Variants in PPP4R3B observed in about 807,000 individuals in gnomAD.
PPP4R3B encodes protein phosphatase 4 regulatory subunit 3B.
In PPP4R3B, 52 loss-of-function variants were observed where a neutral mutation model predicts 95.4. The observed-to-expected ratio is 0.54, with a 90% CI of 0.44 to 0.69. The LOEUF (loss-of-function observed/expected upper bound fraction) is 0.69. PPP4R3B is among the 30% of genes least tolerant of loss of function. The pLI is 0.00. For synonymous variants in PPP4R3B, 407 were observed against 343.9 expected (o/e 1.18, Z -2.03); for missense variants, 1,003 against 1,005.9 (o/e 1.00, Z 0.04).
chr2:55,579,002 G>T (rs910148408), intron 9 of PPP4R3B, among the ~76,000 whole-genome samples: 1 of 151,910 alleles, frequency 6.6e-6, no homozygotes, highest in African/African-American at 2.4e-5. Context: ...AATATAGAAG[G>T]ACTCAATTTA....
Position 55,604,075 on chromosome 2 carries a change from T to A in PPP4R3B, c.200A>T (p.Asp67Val). ...TGCTTCTGACCAAACAATTAATGTA[T>A]CCTGTTTAAAAATAAATATTTCCAT... ...NPNTAYQKQQ[D>V]TLIVWSEAEN... is the part of the protein sequence containing the mutation. Residue 67 changes from aspartate to valine, a missense_variant and splice_region_variant, in exon 3 of 17, where the codon GAT becomes GTT. Physicochemically the swap from Asp to Val is radical, Grantham distance 152. Coordinates refer to ENST00000616407, the MANE Select transcript of PPP4R3B (RefSeq NM_001122964.3). 1 of 1,596,690 alleles carries A rather than the reference T, an allele frequency of 6.3e-7. No homozygotes were observed. The highest frequency in any genetic ancestry group is 8.5e-7 in the Non-Finnish European group (1 of 1,173,154).
intron 2 of PPP4R3B, among the ~76,000 whole-genome samples, chr2:55,612,869 C>T (rs1694365243): frequency 6.6e-6 from 1 of 151,730 alleles, no homozygotes. Flanking sequence ...TGGTGTGAAC[C>T]CGGGAGGCGA....
chr2:55,571,801 G>T (rs59452894), intron 12 of PPP4R3B, among the ~76,000 whole-genome samples: 106,380 of 151,984 alleles, frequency 0.7, 38,116 homozygotes, highest in Non-Finnish European at 0.77. Context: ...AATTTTTGTA[G>T]TTTTAGTAGA....
intron 4 of PPP4R3B, among the ~76,000 whole-genome samples, chr2:55,589,975 A>ATATATTTAATATAT (rs1690759818): frequency 6.9e-6 from 1 of 144,676 alleles, no homozygotes; most frequent in African/African-American, 2.5e-5. Context: ...ATATTTATAT[A>ATATATTTAATATAT]TATATTTAAT....
At chr2:55,552,233 A>C (rs1685331953) in intron 16 of PPP4R3B, among the ~76,000 whole-genome samples, 1 of 152,220 alleles carries the variant, frequency 6.6e-6, no homozygotes, top group African/African-American at 2.4e-5. Flanking sequence ...CACTTTGTGA[A>C]GCTGATTCCA....
chr2:55,583,376 A>C (rs954493909), intron 7 of PPP4R3B, among the ~76,000 whole-genome samples: 4 of 152,200 alleles, frequency 2.6e-5, no homozygotes, highest in African/African-American at 9.6e-5. Flanking sequence ...TAAGAAAAAA[A>C]AACACTGAGA....
At position 55,549,763 on chromosome 2, in the gene PPP4R3B, C is replaced by G; in HGVS notation, c.*148G>C. On this transcript the variant is annotated 3_prime_UTR_variant, in exon 17 of 17. Transcript: ENST00000616407. The stretch of plus-strand genomic sequence containing the variant: ...CTGGGAAGCCTGATTTTTATTAGAA[C>G]TAAACTCTCTTAGCTGATATACTGT... 1 of 624,958 alleles carries G rather than the reference C, an allele frequency of 1.6e-6. No homozygotes were observed. 38.7% of individuals were successfully genotyped at this position (624,958 alleles called of 1,614,324 possible).
intron 4 of PPP4R3B, among the ~76,000 whole-genome samples, chr2:55,590,257 G>A (rs1323771864): frequency 6.6e-6 from 1 of 151,792 alleles, no homozygotes; most frequent in African/African-American, 2.4e-5. Context: ...AACCTGGGAG[G>A]CGGAGGTTGC....
intron 3 of PPP4R3B, among the ~76,000 whole-genome samples, chr2:55,602,714 G>A (rs1263972067): frequency 1.3e-5 from 2 of 152,194 alleles, no homozygotes; most frequent in African/African-American, 4.8e-5. Flanking sequence ...TCCACCAGGA[G>A]AGAGAACTGG....
intron 16 of PPP4R3B, among the ~76,000 whole-genome samples, chr2:55,550,745 G>C (rs779131092): frequency 6.6e-6 from 1 of 152,116 alleles, no homozygotes; most frequent in African/African-American, 2.4e-5. Context: ...AAACCCTTCA[G>C]ACCTCTAGGA....
intron 15 of PPP4R3B, among the ~76,000 whole-genome samples, chr2:55,561,040 T>G (rs1686541156): frequency 1.3e-5 from 2 of 152,038 alleles, no homozygotes; most frequent in African/African-American, 4.8e-5. Context: ...CCCAGAGGCC[T>G]AGGAGGGAAA....
chr2:55,590,408 C>T (rs1490267074), intron 4 of PPP4R3B, among the ~76,000 whole-genome samples: 1 of 152,102 alleles, frequency 6.6e-6, no homozygotes, highest in East Asian at 1.9e-4. Flanking sequence ...ACTGTGGTTA[C>T]TGCTTGCTGA....
At chr2:55,613,753 T>C (rs1694516357) in intron 2 of PPP4R3B, among the ~76,000 whole-genome samples, 1 of 151,714 alleles carries the variant, frequency 6.6e-6, no homozygotes, top group African/African-American at 2.4e-5. Context: ...ATGACTTAGT[T>C]ACATTTAAGA....
chr2:55,553,418 C>T (rs984142822), intron 16 of PPP4R3B, among the ~76,000 whole-genome samples: 15 of 152,110 alleles, frequency 9.9e-5, no homozygotes, highest in Non-Finnish European at 1.5e-4. Context: ...GGGCACTACT[C>T]TCTAAGTCCA....
At chr2:55,582,317 C>T (rs1325220369) in intron 7 of PPP4R3B, among the ~76,000 whole-genome samples, 2 of 151,966 alleles carry the variant, frequency 1.3e-5, no homozygotes, top group South Asian at 2.1e-4. Flanking sequence ...GGCTGGAGTG[C>T]AGTGGGGCAA....
rs756768748 is a variant in PPP4R3B, at chr2:55,564,434, TTCA to T, written c.2136_2138del (p.Asp712del). On this transcript the variant is annotated inframe_deletion, in exon 15 of 17. Transcript: ENST00000616407. Reference sequence around the variant, plus strand: ...CTTCATCTTCATTAAACCACATTTCTTCATCCTCTTCCAAGGCTTTTGCATCTC... The same window carrying T: ...CTTCATCTTCATTAAACCACATTTCTTCCTCTTCCAAGGCTTTTGCATCTC... 9.9e-6 allele frequency: 16 copies of T among 1,613,586 alleles called. No individual in the cohort carries two copies. Among genetic ancestry groups the T allele is most frequent in the African/African-American group, 1.3e-5 (1 of 74,900 alleles).
chr2:55,552,068 A>T (rs1026740441), intron 16 of PPP4R3B, among the ~76,000 whole-genome samples: 37 of 152,328 alleles, frequency 2.4e-4, no homozygotes, highest in African/African-American at 8.4e-4. Context: ...TCTGCCCAAG[A>T]TTAATAAATT....
chr2:55,558,321 A>G (rs1686111997), intron 16 of PPP4R3B, among the ~76,000 whole-genome samples: 1 of 152,150 alleles, frequency 6.6e-6, no homozygotes, highest in Non-Finnish European at 1.5e-5. Flanking sequence ...GGGAGGAAGG[A>G]TGCTTACATT....
Position 55,584,346 on chromosome 2 carries a change from T to A in PPP4R3B, c.1233+705A>T, listed in dbSNP as rs867247867. 7.2e-4 allele frequency among the ~76,000 whole-genome samples: 109 copies of A among 152,354 alleles called. 1 individual carries two copies. Among genetic ancestry groups the A allele is most frequent in the African/African-American group, 2.5e-3 (102 of 41,586 alleles). On this transcript the variant is annotated intron_variant, in intron 7 of 16. Transcript: ENST00000616407. Reference sequence around the variant, plus strand: ...TCTCATTATTAAACTGTCTTTTTTTTAATGTTTTTTATTTCCATAGGTGGT... The same window carrying A: ...TCTCATTATTAAACTGTCTTTTTTTAAATGTTTTTTATTTCCATAGGTGGT...
Sources: gnomAD v4.1 joint callset for allele counts (sites outside exome capture counted in the v4.1 genomes callset) on GRCh38, gnomAD v4.1.1 for gene constraint, MANE v1.5 for transcripts, NCBI Gene and HGNC (gene_info 2026-07-23, HGNC 2026-07-21) for gene names.